LRP1B: variants seen among roughly 807,000 people sequenced by gnomAD.
LRP1B encodes the protein low-density lipoprotein receptor-related protein 1B.
LRP1B carries 217 observed loss-of-function variants against 556.6 expected under a neutral mutation model. The observed-to-expected ratio is 0.39, with a 90% CI of 0.35 to 0.44. LRP1B has a LOEUF of 0.44. Among genes scored for constraint, LRP1B ranks in the 20% least tolerant of loss-of-function variants. The pLI, the probability that LRP1B is intolerant of heterozygous loss-of-function variation, is 1.00. For missense variants in LRP1B, 5,053 were observed against 5,620.8 expected, an observed-to-expected ratio of 0.90 and a Z score of 3.23; for synonymous variants, 2,047 against 1,865.8, an observed-to-expected ratio of 1.10 and a Z score of -2.50.
intron 1 of LRP1B, among the ~76,000 whole-genome samples, chr2:142,023,165 A>G (rs1703396483): frequency 6.6e-6 from 1 of 152,162 alleles, no homozygotes. Context: ...CCAGCTTTGA[A>G]GGAGAATTTT....
chr2:140,440,764 C>T (rs1398184388), intron 66 of LRP1B, among the ~76,000 whole-genome samples: 1 of 87,312 alleles, frequency 1.1e-5, no homozygotes, highest in South Asian at 3.2e-4. Flanking sequence ...TGTGTGTACA[C>T]ACACTGGTCT....
chr2:141,160,305 A>G (rs1455483777), intron 7 of LRP1B, among the ~76,000 whole-genome samples: 1 of 152,172 alleles, frequency 6.6e-6, no homozygotes, highest in Admixed American at 6.6e-5. Context: ...TCTCTCATAT[A>G]TTGCTGGTGA....
intron 41 of LRP1B, among the ~76,000 whole-genome samples, chr2:140,665,842 A>T (rs1685247293): frequency 6.6e-6 from 1 of 152,152 alleles, no homozygotes; most frequent in African/African-American, 2.4e-5. Context: ...AATTCTGGAT[A>T]ATCTACCAGA....
At position 141,732,912 on chromosome 2, in the gene LRP1B, G is replaced by A. The variant is rs1693327823; in HGVS notation, c.205+77367C>T. On this transcript the variant is annotated intron_variant, in intron 2 of 90. Coordinates refer to ENST00000389484, the MANE Select transcript of LRP1B (RefSeq NM_018557.3). ...AAGCAAAGGAAGCAGAGGAAAAATG[G>A]AAAAATGTCAAAGTGAGGAATCTTG... 1.3e-5 allele frequency among the ~76,000 whole-genome samples: 2 copies of A among 151,992 alleles called. 1 individual carries two copies. The highest frequency in any genetic ancestry group is 4.8e-5 in the African/African-American group (2 of 41,416).
intron 66 of LRP1B, among the ~76,000 whole-genome samples, chr2:140,438,478 T>C (rs1434379850): frequency 6.6e-6 from 1 of 152,216 alleles, no homozygotes; most frequent in Non-Finnish European, 1.5e-5. Context: ...TTATAACTTA[T>C]AAATGTAAGC....
At chr2:141,100,744 T>A (rs1700440099) in intron 7 of LRP1B, among the ~76,000 whole-genome samples, 1 of 152,068 alleles carries the variant, frequency 6.6e-6, no homozygotes, top group East Asian at 1.9e-4. Context: ...GGTGAAAGAT[T>A]CTTACGGAGC....
intron 15 of LRP1B, among the ~76,000 whole-genome samples, chr2:140,998,567 G>C (rs1419646014): frequency 6.6e-6 from 1 of 152,024 alleles, no homozygotes; most frequent in Non-Finnish European, 1.5e-5. Context: ...CTAGTTGTGA[G>C]AGGATTTGAC....
At chr2:141,025,293 A>T (rs1852168) in intron 11 of LRP1B, among the ~76,000 whole-genome samples, 2,768 of 152,112 alleles carry the variant, frequency 0.018, 73 homozygotes, top group African/African-American at 0.062. Context: ...CACAAATAAT[A>T]ATTTCTGGAT....
At chr2:140,441,497 A>G (rs188060926) in intron 66 of LRP1B, among the ~76,000 whole-genome samples, 1 of 152,300 alleles carries the variant, frequency 6.6e-6, no homozygotes, top group Non-Finnish European at 1.5e-5. Flanking sequence ...ACCCAATTAT[A>G]ATAAGATAGT....
intron 1 of LRP1B, among the ~76,000 whole-genome samples, chr2:142,057,753 GTC>G (rs1484239616): frequency 6.6e-6 from 1 of 152,150 alleles, no homozygotes; most frequent in Non-Finnish European, 1.5e-5. Context: ...TTAAGTGTGT[GTC>G]TCTCGCCTTA....
At chr2:141,121,884 G>A (rs982106824) in intron 7 of LRP1B, among the ~76,000 whole-genome samples, 9 of 152,092 alleles carry the variant, frequency 5.9e-5, no homozygotes, top group Admixed American at 5.2e-4. Context: ...AAACAGCATG[G>A]TACTGGTACT....
intron 2 of LRP1B, among the ~76,000 whole-genome samples, chr2:141,626,084 G>A (rs1164242640): frequency 6.6e-6 from 1 of 152,014 alleles, no homozygotes; most frequent in Non-Finnish European, 1.5e-5. Flanking sequence ...ATACTACACT[G>A]CTTTACAAAA....
chr2:140,967,252 T>C (rs1696256056), intron 18 of LRP1B, among the ~76,000 whole-genome samples: 1 of 152,068 alleles, frequency 6.6e-6, no homozygotes, highest in Non-Finnish European at 1.5e-5. Flanking sequence ...TCAAAGGGGT[T>C]CTTCACATCC....
intron 85 of LRP1B, among the ~76,000 whole-genome samples, chr2:140,271,892 A>C (rs929422998): frequency 6.6e-6 from 1 of 150,922 alleles, no homozygotes; most frequent in Non-Finnish European, 1.5e-5. Context: ...GAAAATAATA[A>C]AGTCAAAAAA....
chr2:141,753,610 C>T (rs896679347), intron 2 of LRP1B, among the ~76,000 whole-genome samples: 4 of 151,938 alleles, frequency 2.6e-5, no homozygotes, highest in Admixed American at 2.6e-4. Context: ...ATTTCCCTCT[C>T]TAGCCATTTC....
intron 41 of LRP1B, among the ~76,000 whole-genome samples, chr2:140,676,447 T>C (rs189580466): frequency 1.3e-5 from 2 of 152,232 alleles, no homozygotes; most frequent in Admixed American, 1.3e-4. Context: ...TACTTTTTTT[T>C]AAAATCACCC....
chr2:140,466,155 G>T (rs1687541629), intron 60 of LRP1B, among the ~76,000 whole-genome samples: 1 of 148,426 alleles, frequency 6.7e-6, no homozygotes, highest in African/African-American at 2.5e-5. Flanking sequence ...GGCTACAGTG[G>T]ATATCTAAAT....
intron 2 of LRP1B, among the ~76,000 whole-genome samples, chr2:141,723,157 C>T (rs1310774100): frequency 3.9e-5 from 6 of 152,002 alleles, no homozygotes; most frequent in African/African-American, 1.2e-4. Flanking sequence ...CAGTGCTCTC[C>T]CAGTCTGATT....
At chr2:140,375,228 TTTTC>T (rs900908526) in intron 68 of LRP1B, among the ~76,000 whole-genome samples, 27 of 149,712 alleles carry the variant, frequency 1.8e-4, no homozygotes, top group Middle Eastern at 3.4e-3. Flanking sequence ...TTACAGTCGT[TTTTC>T]TTTCTAATGC....
Sources: gnomAD v4.1 joint callset for allele counts (sites outside exome capture counted in the v4.1 genomes callset) on GRCh38, gnomAD v4.1.1 for gene constraint, MANE v1.5 for transcripts, NCBI Gene and HGNC (gene_info 2026-07-23, HGNC 2026-07-21) for gene names.